The following ARFIP1 variants were observed in gnomAD, a reference collection of about 807,000 sequenced individuals.
ARFIP1 encodes the protein ARF interacting protein 1, also known as arfaptin-1.
Under a neutral mutation model 42.5 loss-of-function variants are expected in ARFIP1, and 24 were observed. The observed-to-expected ratio is 0.57, with a 90% confidence interval of 0.41 to 0.80. The LOEUF is 0.80. Ranked by LOEUF, ARFIP1 falls within the 30% of genes least tolerant of loss-of-function variation. The probability of loss-of-function intolerance (pLI) is 0.00; values close to 1 mark genes in which losing one functional copy is unlikely to be tolerated. For missense variants in ARFIP1, 354 were observed against 434.0 expected, an observed-to-expected ratio of 0.82 and a Z score of 1.64; for synonymous variants, 141 against 153.7, an observed-to-expected ratio of 0.92 and a Z score of 0.61.
At chr4:152,785,008 C>T (rs1177562054) in intron 1 of ARFIP1, among the ~76,000 whole-genome samples, 1 of 152,078 alleles carries the variant, frequency 6.6e-6, no homozygotes, top group African/African-American at 2.4e-5. Context: ...GGAGTCAGTT[C>T]GCCAACTCCA....
intron 2 of ARFIP1, among the ~76,000 whole-genome samples, chr4:152,847,249 C>T (rs540905836): frequency 6.7e-6 from 1 of 149,354 alleles, no homozygotes; most frequent in Non-Finnish European, 1.5e-5. Flanking sequence ...TCTCCTGCCT[C>T]AGCCTCCCAA....
intron 1 of ARFIP1, chr4:152,796,524 A>G: frequency 1.3e-6 from 1 of 763,978 alleles, no homozygotes. Flanking sequence ...TTTCTGTTTA[A>G]TCATATTGGA....
intron 8 of ARFIP1, among the ~76,000 whole-genome samples, chr4:152,896,578 G>A (rs1291153247): frequency 2.6e-5 from 4 of 151,982 alleles, no homozygotes; most frequent in African/African-American, 4.8e-5. Context: ...AAAGAAAAAC[G>A]GGAAGGATTA....
At chr4:152,811,549 T>C (rs984894787) in intron 1 of ARFIP1, among the ~76,000 whole-genome samples, 11 of 152,212 alleles carry the variant, frequency 7.2e-5, no homozygotes, top group African/African-American at 2.7e-4. Context: ...CATTTCATGT[T>C]CCAGAAATGG....
At chr4:152,853,614 A>G (rs947258592) in intron 2 of ARFIP1, among the ~76,000 whole-genome samples, 32 of 152,188 alleles carry the variant, frequency 2.1e-4, no homozygotes, top group African/African-American at 1.4e-4. Context: ...CTTTTTGACT[A>G]TAATGTGCCA....
intron 2 of ARFIP1, among the ~76,000 whole-genome samples, chr4:152,847,728 G>T (rs1416808746): frequency 1.3e-5 from 2 of 152,054 alleles, no homozygotes; most frequent in Non-Finnish European, 2.9e-5. Flanking sequence ...AAATTAATTA[G>T]AAATTTGCAA....
chr4:152,814,097 C>CTTTTTTTTTTTTTTTTTTTTTTTTTTTTT (rs67593845), intron 1 of ARFIP1, among the ~76,000 whole-genome samples: 1 of 110,882 alleles, frequency 9.0e-6, no homozygotes, highest in Non-Finnish European at 1.9e-5. Context: ...TCTTCTTCTT[C>CTTTTTTTTTTTTTTTTTTTTTTTTTTTTT]TTTTTTTTTT....
intron 1 of ARFIP1, among the ~76,000 whole-genome samples, chr4:152,792,397 T>C (rs1731192318): frequency 6.6e-6 from 1 of 151,682 alleles, no homozygotes; most frequent in African/African-American, 2.4e-5. Flanking sequence ...CTTTAGATTC[T>C]ATATTTAGTG....
At position 152,911,722 on chromosome 4, in the gene ARFIP1, G is replaced by A. The variant is rs1738864033; in HGVS notation, c.*1503G>A. ...TTTTTAATTAATATGCCTGTTTTGA[G>A]TGCTTAATACAATGTAATGTGATTG... is the stretch of plus-strand genomic sequence containing the variant. On this transcript the variant is annotated 3_prime_UTR_variant, in exon 9 of 9. Coordinates refer to ENST00000353617, the MANE Select transcript of ARFIP1 (RefSeq NM_001025595.3). 6.6e-6 allele frequency: 1 copy of A among 152,448 alleles called. No homozygotes were observed. Among genetic ancestry groups the A allele is most frequent in the East Asian group, 1.9e-4 (1 of 5,180 alleles). 9.4% of individuals were successfully genotyped at this position (152,448 alleles called of 1,614,324 possible).
intron 1 of ARFIP1, among the ~76,000 whole-genome samples, chr4:152,793,866 G>A (rs1006295508): frequency 3.3e-5 from 5 of 152,076 alleles, no homozygotes; most frequent in African/African-American, 7.2e-5. Flanking sequence ...CAGCAAAAAC[G>A]AACTGCCTGA....
intron 1 of ARFIP1, among the ~76,000 whole-genome samples, chr4:152,822,296 T>TAAAAAAAAAAAAA (rs70949618): frequency 4.6e-5 from 3 of 65,578 alleles, no homozygotes; most frequent in Admixed American, 1.7e-4. Context: ...GCAACAGCAG[T>TAAAAAAAAAAAAA]AAAAAAAAAA....
At chr4:152,791,281 A>G (rs1184829004) in intron 1 of ARFIP1, among the ~76,000 whole-genome samples, 2 of 152,208 alleles carry the variant, frequency 1.3e-5, no homozygotes, top group African/African-American at 2.4e-5. Flanking sequence ...AGTAAGGAAA[A>G]TGATTCGTTT....
chr4:152,899,448 C>T (rs897912374), intron 8 of ARFIP1, among the ~76,000 whole-genome samples: 10 of 152,170 alleles, frequency 6.6e-5, no homozygotes, highest in Non-Finnish European at 8.8e-5. Flanking sequence ...AGGTTAATAA[C>T]GATCTCCCAA....
intron 6 of ARFIP1, among the ~76,000 whole-genome samples, chr4:152,881,840 C>T (rs143769294): frequency 1.5e-4 from 23 of 152,204 alleles, no homozygotes; most frequent in African/African-American, 3.4e-4. Context: ...ACCTAAGAAA[C>T]GTAATTACAG....
chr4:152,851,213 G>A lies in ARFIP1; in HGVS notation c.94-12393G>A, dbSNP rs150343630. On this transcript the variant is annotated intron_variant, in intron 2 of 8. Transcript: ENST00000353617. ...TTCCTGATCTTAGCATATGGTCTTC[G>A]GAATGGGAAGAGAGGATATAGACAA... Among the ~76,000 whole-genome samples the A allele has an allele frequency of 2.9e-3, 438 of 152,268 alleles. 18 individuals are homozygous for A. The East Asian group carries it at 0.078, about 27-fold the overall frequency.
At chr4:152,886,857 C>G (rs1579009780) in intron 7 of ARFIP1, among the ~76,000 whole-genome samples, 1 of 152,022 alleles carries the variant, frequency 6.6e-6, no homozygotes, top group East Asian at 1.9e-4. Context: ...ATGAATGGTT[C>G]TCTTTTGACC....
At chr4:152,854,953 T>G (rs907342945) in intron 2 of ARFIP1, among the ~76,000 whole-genome samples, 1 of 152,234 alleles carries the variant, frequency 6.6e-6, no homozygotes, top group African/African-American at 2.4e-5. Context: ...CTTACTTGGA[T>G]GCCAGTAGTG....
chr4:152,857,917 T>C (rs1265116517), intron 2 of ARFIP1, among the ~76,000 whole-genome samples: 1 of 152,230 alleles, frequency 6.6e-6, no homozygotes, highest in Non-Finnish European at 1.5e-5. Flanking sequence ...TTATCTGTTT[T>C]TCTTTCACTG....
intron 5 of ARFIP1, among the ~76,000 whole-genome samples, chr4:152,880,651 C>T (rs1354678618): frequency 3.3e-5 from 5 of 152,148 alleles, no homozygotes; most frequent in African/African-American, 4.8e-5. Context: ...CTATATTAGT[C>T]TTAATGCCAA....
Sources: gnomAD v4.1 joint callset for allele counts (sites outside exome capture counted in the v4.1 genomes callset) on GRCh38, gnomAD v4.1.1 for gene constraint, MANE v1.5 for transcripts, NCBI Gene and HGNC (gene_info 2026-07-23, HGNC 2026-07-21) for gene names.